Variants in TIMP2 observed in about 807,000 individuals in gnomAD.
TIMP2 encodes the protein TIMP metallopeptidase inhibitor 2, also known as metalloproteinase inhibitor 2.
TIMP2 carries 5 observed loss-of-function variants against 24.3 expected under a neutral mutation model. That is an observed-to-expected ratio of 0.21 (90% CI 0.11 to 0.43). The LOEUF (loss-of-function observed/expected upper bound fraction) is 0.43, where lower values mean the gene tolerates loss of function less well. Among genes scored for constraint, TIMP2 ranks in the 20% least tolerant of loss-of-function variants. The pLI, the probability that TIMP2 is intolerant of heterozygous loss-of-function variation, is 1.00. For missense variants in TIMP2, 221 were observed against 297.5 expected, an observed-to-expected ratio of 0.74 and a Z score of 1.89; for synonymous variants, 130 against 123.2, an observed-to-expected ratio of 1.06 and a Z score of -0.37.
intron 3 of TIMP2, among the ~76,000 whole-genome samples, chr17:78,867,260 G>A (rs996953926): frequency 1.4e-4 from 21 of 152,272 alleles, no homozygotes; most frequent in African/African-American, 5.1e-4. Flanking sequence ...GTCTTGGAAT[G>A]AGAATAAGAA....
intron 3 of TIMP2, among the ~76,000 whole-genome samples, chr17:78,869,532 C>T (rs149986226): frequency 1.0e-4 from 15 of 150,032 alleles, no homozygotes; most frequent in African/African-American, 2.7e-4. Flanking sequence ...CATTTTGGGC[C>T]GGGTGTGGTG....
rs2069898003 is a variant in TIMP2 at position 78,891,688 on chromosome 17, T to C, written c.131-17769A>G. On this transcript the variant is annotated intron_variant, in intron 1 of 4. Transcript: ENST00000262768. This position sits in a 1 kb window ranked among gnomAD's most constrained non-coding sequence, Gnocchi z 4.5. ...GTTGCCTCCTCCCCGCCCGAGCTGT[T>C]CCTTTCTCTTTTTCCTCCACAAGCC... 1 of 1,550,852 alleles carries C rather than the reference T, an allele frequency of 6.4e-7. No homozygotes were observed. Among genetic ancestry groups the C allele is most frequent in the African/African-American group, 1.4e-5 (1 of 72,988 alleles).
chr17:78,884,546 G>A (rs1020654312), intron 1 of TIMP2, among the ~76,000 whole-genome samples: 1 of 152,094 alleles, frequency 6.6e-6, no homozygotes, highest in Non-Finnish European at 1.5e-5. Context: ...AAAGCAGGGG[G>A]GCTGAGGTCC....
intron 1 of TIMP2, among the ~76,000 whole-genome samples, chr17:78,886,213 C>T (rs1485095912): frequency 2.6e-5 from 4 of 152,174 alleles, no homozygotes; most frequent in Admixed American, 6.5e-5. Flanking sequence ...CCCGTCTCCA[C>T]GCCTAGTTTT....
intron 1 of TIMP2, among the ~76,000 whole-genome samples, chr17:78,916,051 C>G (rs1249284083): frequency 6.6e-6 from 1 of 152,224 alleles, no homozygotes; most frequent in Middle Eastern, 3.2e-3. Context: ...ACCTCCCTGG[C>G]TGCTCCCAGG....
At chr17:78,871,243 G>C (rs1343532006) in intron 2 of TIMP2, among the ~76,000 whole-genome samples, 4 of 151,716 alleles carry the variant, frequency 2.6e-5, no homozygotes, top group Non-Finnish European at 5.9e-5. Flanking sequence ...CTTGAGGTCA[G>C]GAGTTTGAGA....
rs773075225 is a variant in TIMP2, at chr17:78,857,451, T to C, written c.465+71A>G. On this transcript the variant is annotated intron_variant, in intron 4 of 4. Coordinates refer to ENST00000262768, the MANE Select transcript of TIMP2 (RefSeq NM_003255.5). ...TTAACGGGTCCTGGAAAGCCAGGGA[T>C]CAAAATCCCTGCCGTCCATCTGGAG... 18 of 1,601,970 alleles carry C rather than the reference T, an allele frequency of 1.1e-5. No individual in the cohort carries two copies. In the South Asian group the frequency reaches 2.0e-4, roughly 18 times the overall value.
intron 1 of TIMP2, among the ~76,000 whole-genome samples, chr17:78,887,756 A>G (rs1430089060): frequency 6.6e-6 from 1 of 151,960 alleles, no homozygotes; most frequent in East Asian, 1.9e-4. Context: ...AAAATAGGAA[A>G]AAAAAAAAAA....
At chr17:78,880,363 A>G (rs1415938145) in intron 1 of TIMP2, among the ~76,000 whole-genome samples, 1 of 152,136 alleles carries the variant, frequency 6.6e-6, no homozygotes, top group African/African-American at 2.4e-5. Context: ...CATGCCCACA[A>G]TTGGGGGAGG....
At chr17:78,857,690 T>A in intron 3 of TIMP2, 44 bp from the exon 4 acceptor site, 3 of 1,612,114 alleles carry the variant, frequency 1.9e-6, no homozygotes, top group Non-Finnish European at 2.5e-6. Context: ...GAGGGAAAAG[T>A]CCTCCTCCTG....
At chr17:78,890,736 G>T (rs759440158) in intron 1 of TIMP2, 2 of 1,550,628 alleles carry the variant, frequency 1.3e-6, no homozygotes, top group Non-Finnish European at 1.7e-6. Flanking sequence ...TGCTGGTCTC[G>T]GATCATCTGA....
At chr17:78,878,926 G>GA (rs1292058487) in intron 1 of TIMP2, among the ~76,000 whole-genome samples, 1 of 152,204 alleles carries the variant, frequency 6.6e-6, no homozygotes, top group Non-Finnish European at 1.5e-5. Flanking sequence ...TGGGAATCAA[G>GA]AGAGGCAAAG....
At position 78,891,784 on chromosome 17, in the gene TIMP2, G is replaced by C; in HGVS notation, c.131-17865C>G. 2 of 1,551,152 alleles carry C rather than the reference G, an allele frequency of 1.3e-6. No homozygotes were observed. Among genetic ancestry groups the C allele is most frequent in the Non-Finnish European group, 1.7e-6 (2 of 1,147,114 alleles). On this transcript the variant is annotated intron_variant, in intron 1 of 4. Coordinates refer to ENST00000262768, the MANE Select transcript of TIMP2 (RefSeq NM_003255.5). The surrounding 1 kb of genome is among the most constrained non-coding windows in gnomAD (Gnocchi z 4.5). The stretch of plus-strand genomic sequence containing the variant: ...CCGCCCCTTTGCTCCTCCGAGGATG[G>C]ATGGCACAGCGGCCACCCCCAGACT...
chr17:78,908,979 C>T (rs566882483), intron 1 of TIMP2, among the ~76,000 whole-genome samples: 2 of 152,174 alleles, frequency 1.3e-5, no homozygotes, highest in East Asian at 1.9e-4. Context: ...AGAGGAGCAC[C>T]CCCAGAAGAG....
At chr17:78,900,421 T>G (rs1330631005) in intron 1 of TIMP2, among the ~76,000 whole-genome samples, 1 of 151,984 alleles carries the variant, frequency 6.6e-6, no homozygotes, top group African/African-American at 2.4e-5. Context: ...GGTATATGCC[T>G]GTAATCCCAG....
At chr17:78,918,903 C>T (rs528556605) in intron 1 of TIMP2, among the ~76,000 whole-genome samples, 43 of 151,670 alleles carry the variant, frequency 2.8e-4, no homozygotes, top group Non-Finnish European at 5.6e-4. Context: ...ATCGCTTGGG[C>T]CAGGAAATTG....
Position 78,896,302 on chromosome 17 carries a change from C to T in TIMP2, c.131-22383G>A, listed in dbSNP as rs1048520301. ...CCCAAGATGACCAAGGAGAAACAGC[C>T]GTTCACCTGTTGCACAGCCTGCTGG... On this transcript the variant is annotated intron_variant, in intron 1 of 4. Coordinates refer to ENST00000262768, the MANE Select transcript of TIMP2 (RefSeq NM_003255.5). The surrounding 1 kb of genome is among the most constrained non-coding windows in gnomAD (Gnocchi z 4.4). Among the ~76,000 whole-genome samples, 22 of 152,192 alleles carry T rather than the reference C, an allele frequency of 1.4e-4. No homozygotes were observed. The highest frequency in any genetic ancestry group is 5.9e-4 in the Admixed American group (9 of 15,284).
chr17:78,858,436 G>A (rs1300966878), intron 3 of TIMP2, among the ~76,000 whole-genome samples: 4 of 151,432 alleles, frequency 2.6e-5, no homozygotes, highest in Admixed American at 6.6e-5. Context: ...GCGACAGAGC[G>A]AGACTCAGTC....
intron 3 of TIMP2, among the ~76,000 whole-genome samples, chr17:78,870,525 A>G (rs1449184882): frequency 6.6e-6 from 1 of 152,178 alleles, no homozygotes; most frequent in Non-Finnish European, 1.5e-5. Context: ...AGATGAATGA[A>G]TAAGTCAAGC....
Sources: allele counts gnomAD v4.1 joint callset (sites outside exome capture counted in the v4.1 genomes callset), GRCh38; gene constraint gnomAD v4.1.1; non-coding constraint Gnocchi (gnomAD v3.1); transcripts MANE v1.5; gene names NCBI Gene and HGNC (gene_info 2026-07-23, HGNC 2026-07-21).